COL5A2: variants seen among roughly 807,000 people sequenced by gnomAD.
COL5A2 encodes collagen type V alpha 2 chain, also known as collagen alpha-2(V) chain.
Under a neutral mutation model 208.2 loss-of-function variants are expected in COL5A2, and 23 were observed. The ratio of observed to expected loss-of-function variants is 0.11; its 90% confidence interval spans 0.08 to 0.16. COL5A2 has a LOEUF of 0.16. Among genes scored for constraint, COL5A2 ranks in the 10% least tolerant of loss-of-function variants. The pLI, the probability that COL5A2 is intolerant of heterozygous loss-of-function variation, is 1.00. For synonymous variants in COL5A2, 625 were observed against 628.5 expected (o/e 0.99, Z 0.08); for missense variants, 1,590 against 1,956.4 (o/e 0.81, Z 3.53).
At chr2:189,335,355 T>C in the COL5A2 span, among the ~76,000 whole-genome samples, 1 of 152,082 alleles carries the variant, frequency 6.6e-6, no homozygotes, top group African/African-American at 2.4e-5. Flanking sequence ...CTCACACAAT[T>C]GCTGGTGGGA....
At chr2:189,178,119 C>T (rs1688711036) in intron 1 of COL5A2, among the ~76,000 whole-genome samples, 1 of 151,968 alleles carries the variant, frequency 6.6e-6, no homozygotes, top group African/African-American at 2.4e-5. Flanking sequence ...CTTTTCATGC[C>T]ATTACAAAGA....
At chr2:189,291,626 A>G in the COL5A2 span, among the ~76,000 whole-genome samples, 1 of 152,128 alleles carries the variant, frequency 6.6e-6, no homozygotes, top group South Asian at 2.1e-4. Context: ...TACTTCAGAC[A>G]TACCATACAA....
chr2:189,042,853 G>T, intron 48 of COL5A2, 80 bp from the exon 49 acceptor site: 2 of 1,344,090 alleles, frequency 1.5e-6, no homozygotes, highest in South Asian at 1.2e-5. Context: ...TGCTATCATT[G>T]ACTTTAGCAG....
At chr2:189,366,972 G>A in the COL5A2 span, among the ~76,000 whole-genome samples, 1 of 152,104 alleles carries the variant, frequency 6.6e-6, no homozygotes, top group Non-Finnish European at 1.5e-5. Flanking sequence ...TCTCCCGAAG[G>A]CTGTAAGTGT....
the COL5A2 span, among the ~76,000 whole-genome samples, chr2:189,429,640 A>G: frequency 6.6e-6 from 1 of 152,192 alleles, no homozygotes; most frequent in African/African-American, 2.4e-5. Context: ...GACATACCCA[A>G]TTACAAGAGT....
At chr2:189,429,306 A>C in the COL5A2 span, among the ~76,000 whole-genome samples, 2 of 152,182 alleles carry the variant, frequency 1.3e-5, no homozygotes, top group Admixed American at 6.5e-5. Context: ...TCAGTATCTA[A>C]ATCCTTGTGG....
chr2:189,178,911 G>A (rs191887327), intron 1 of COL5A2, among the ~76,000 whole-genome samples: 1 of 152,210 alleles, frequency 6.6e-6, no homozygotes, highest in African/African-American at 2.4e-5. Context: ...CTCTGTCATG[G>A]AGAAACAAAC....
At chr2:189,312,872 A>G in the COL5A2 span, among the ~76,000 whole-genome samples, 4 of 142,466 alleles carry the variant, frequency 2.8e-5, no homozygotes, top group Non-Finnish European at 6.2e-5. Context: ...CTGTTAAAGG[A>G]AAAAAAAAAA....
chr2:189,224,946 C>T (rs748176704), intron 1 of COL5A2, among the ~76,000 whole-genome samples: 2 of 151,916 alleles, frequency 1.3e-5, no homozygotes, highest in African/African-American at 4.8e-5. Context: ...GAAAGACAGA[C>T]AAGAGACACA....
chr2:189,119,570 A>T (rs1336847119), intron 1 of COL5A2, among the ~76,000 whole-genome samples: 1 of 152,086 alleles, frequency 6.6e-6, no homozygotes, highest in African/African-American at 2.4e-5. Context: ...TAAATTCTGA[A>T]TTTTATCATT....
chr2:189,279,209 C>A, the COL5A2 span, among the ~76,000 whole-genome samples: 1 of 151,108 alleles, frequency 6.6e-6, no homozygotes, highest in Non-Finnish European at 1.5e-5. Flanking sequence ...CCTACTATGG[C>A]AAGAACTTGA....
chr2:189,404,709 T>C, the COL5A2 span, among the ~76,000 whole-genome samples: 3 of 152,188 alleles, frequency 2.0e-5, no homozygotes, highest in Non-Finnish European at 4.4e-5. Context: ...ATAAAAGTAA[T>C]GTCTCATATT....
intron 14 of COL5A2, among the ~76,000 whole-genome samples, chr2:189,079,627 T>C (rs1373268563): frequency 6.6e-6 from 1 of 152,126 alleles, no homozygotes; most frequent in African/African-American, 2.4e-5. Context: ...ATTAAAGGGG[T>C]ACTCAATAAT....
At chr2:189,215,539 C>A (rs1394895805) in intron 1 of COL5A2, among the ~76,000 whole-genome samples, 2 of 151,566 alleles carry the variant, frequency 1.3e-5, no homozygotes, top group African/African-American at 4.9e-5. Flanking sequence ...ATTATTTACA[C>A]CTGTTTCTTT....
the COL5A2 span, among the ~76,000 whole-genome samples, chr2:189,256,579 G>T: frequency 1.3e-5 from 2 of 152,174 alleles, no homozygotes; most frequent in Non-Finnish European, 2.9e-5. Context: ...GGTGGGTAAG[G>T]CTGGCTAATT....
At chr2:189,326,710 T>C in the COL5A2 span, among the ~76,000 whole-genome samples, 1 of 151,272 alleles carries the variant, frequency 6.6e-6, no homozygotes, top group East Asian at 2.0e-4. Flanking sequence ...ATTATACCTT[T>C]TCTGGTGGGG....
chr2:189,064,649 G>C lies in COL5A2; in HGVS notation c.1624C>G (p.Gln542Glu). The C allele has an allele frequency of 6.2e-7, 1 of 1,612,200 alleles. No individual in the cohort carries two copies. Among genetic ancestry groups the C allele is most frequent in the Non-Finnish European group, 8.5e-7 (1 of 1,178,530 alleles). ...SDGLPGPKGA[Q>E]GERGPVGSSG... ...GAACCTACAGGACCCCGTTCTCCTT[G>C]AGCACCCTGTACCGAGGCAAAGCAG... is the stretch of plus-strand genomic sequence containing the variant. Residue 542 changes from glutamine (Q) to glutamate (E), a missense_variant, in exon 25 of 54, where the codon CAA becomes GAA. By Grantham distance (29) the Gln-to-Glu change is conservative (BLOSUM62 2). Coordinates refer to ENST00000374866, the MANE Select transcript of COL5A2 (RefSeq NM_000393.5).
At chr2:189,088,528 A>G (rs541446901) in intron 8 of COL5A2, among the ~76,000 whole-genome samples, 167 bp downstream of exon 8, 9 of 149,856 alleles carry the variant, frequency 6.0e-5, no homozygotes, top group African/African-American at 2.2e-4. Context: ...TGGGCTTTTA[A>G]CTGGCATACA....
chr2:189,148,126 A>G (rs1436489328), intron 1 of COL5A2, among the ~76,000 whole-genome samples: 1 of 152,146 alleles, frequency 6.6e-6, no homozygotes, highest in Non-Finnish European at 1.5e-5. Context: ...GGGGGAGGGA[A>G]ACCCAAATTT....
Sources: allele counts gnomAD v4.1 joint callset (sites outside exome capture counted in the v4.1 genomes callset), GRCh38; gene constraint gnomAD v4.1.1; transcripts MANE v1.5; gene names NCBI Gene and HGNC (gene_info 2026-07-23, HGNC 2026-07-21).